CHLSN: variants seen among roughly 807,000 people sequenced by gnomAD.
CHLSN encodes cholesin.
chr7:1,021,780 G>A, the CHLSN span, among the ~76,000 whole-genome samples: 1 of 152,226 alleles, frequency 6.6e-6, no homozygotes, highest in Non-Finnish European at 1.5e-5. Context: ...CTAAAAGAAA[G>A]CATGCGGCAA....
chr7:1,024,199 C>G, the CHLSN span, among the ~76,000 whole-genome samples: 1 of 152,198 alleles, frequency 6.6e-6, no homozygotes, highest in Non-Finnish European at 1.5e-5. Flanking sequence ...ACAGCCCCCA[C>G]TTTCTTCCTA....
At chr7:1,049,015 C>G in the CHLSN span, among the ~76,000 whole-genome samples, 1 of 152,230 alleles carries the variant, frequency 6.6e-6, no homozygotes, top group South Asian at 2.1e-4. Flanking sequence ...CCTCTGCAGT[C>G]TGAGCGTGCG....
the CHLSN span, among the ~76,000 whole-genome samples, chr7:1,129,654 G>A: frequency 1.3e-5 from 2 of 152,186 alleles, no homozygotes; most frequent in African/African-American, 4.8e-5. Flanking sequence ...ATGCTGCCCA[G>A]GATGGTCTTA....
chr7:1,048,185 C>T, the CHLSN span, among the ~76,000 whole-genome samples: 7 of 152,170 alleles, frequency 4.6e-5, no homozygotes, highest in Non-Finnish European at 8.8e-5. Context: ...AAGGGATCAA[C>T]ATCCGCAAAA....
At chr7:1,062,290 G>A in the CHLSN span, among the ~76,000 whole-genome samples, 5 of 152,218 alleles carry the variant, frequency 3.3e-5, no homozygotes, top group South Asian at 8.3e-4. Context: ...ATCTACACAC[G>A]TCTTCTTTCA....
the CHLSN span, among the ~76,000 whole-genome samples, chr7:1,135,817 TAA>T: frequency 7.1e-6 from 1 of 140,434 alleles, no homozygotes; most frequent in South Asian, 2.1e-4. Context: ...TTTATTTATA[TAA>T]AATAAATATA....
chr7:983,308 CCGGGGCCTCGCCCGCTGCCGCTCGT>C, the CHLSN span: 1 of 1,541,748 alleles, frequency 6.5e-7, no homozygotes. Context: ...CCGGTGGCCC[CCGGGGCCTCGCCCGCTGCCGCTCGT>C]CGGGAACCTG....
the CHLSN span, chr7:1,138,049 G>GGCC: frequency 6.7e-5 from 10 of 150,220 alleles, no homozygotes; most frequent in East Asian, 1.8e-3. Context: ...CGGACCCCAG[G>GGCC]GCCGCCGCCC....
At chr7:1,060,806 G>T in the CHLSN span, among the ~76,000 whole-genome samples, 1 of 152,244 alleles carries the variant, frequency 6.6e-6, no homozygotes, top group African/African-American at 2.4e-5. Flanking sequence ...CGGAGCTGGT[G>T]TAAGGGCCGC....
the CHLSN span, among the ~76,000 whole-genome samples, chr7:983,568 G>A: frequency 3.9e-5 from 6 of 152,186 alleles, no homozygotes; most frequent in Non-Finnish European, 8.8e-5. Context: ...CCGTCCCACA[G>A]GGAAGCAGAC....
the CHLSN span, chr7:1,137,918 T>G: frequency 2.0e-5 from 3 of 152,158 alleles, no homozygotes; most frequent in Non-Finnish European, 4.4e-5. Flanking sequence ...GCCTGAAACC[T>G]AGGAGCCAGC....
chr7:1,047,121 T>G, the CHLSN span, among the ~76,000 whole-genome samples: 1 of 152,188 alleles, frequency 6.6e-6, no homozygotes, highest in Non-Finnish European at 1.5e-5. Flanking sequence ...CACACCCAGT[T>G]AGGGAACAAA....
the CHLSN span, among the ~76,000 whole-genome samples, chr7:1,013,572 C>T: frequency 4.6e-5 from 7 of 152,212 alleles, no homozygotes; most frequent in Non-Finnish European, 1.0e-4. Context: ...ACCCTGCAGT[C>T]TGGGGCCACT....
chr7:996,639 C>T, the CHLSN span, among the ~76,000 whole-genome samples: 2 of 152,226 alleles, frequency 1.3e-5, no homozygotes, highest in Non-Finnish European at 2.9e-5. Context: ...CATGGCCACC[C>T]GGCCCTCCCC....
chr7:994,261 G>A, the CHLSN span, among the ~76,000 whole-genome samples: 4 of 152,094 alleles, frequency 2.6e-5, no homozygotes, highest in African/African-American at 4.8e-5. Flanking sequence ...GTGTTCAAGC[G>A]ATTCTCCTGA....
At chr7:1,023,678 C>CACACACACACA in the CHLSN span, among the ~76,000 whole-genome samples, 5 of 144,438 alleles carry the variant, frequency 3.5e-5, no homozygotes, top group East Asian at 3.9e-4. This position sits in a 1 kb window ranked among gnomAD's most constrained non-coding sequence, Gnocchi z 5.0. Flanking sequence ...CACACACACA[C>CACACACACACA]CAGCAACGCG....
the CHLSN span, among the ~76,000 whole-genome samples, chr7:1,046,620 G>A: frequency 2.0e-5 from 3 of 152,136 alleles, no homozygotes; most frequent in Admixed American, 6.6e-5. Context: ...GATGCTGCCC[G>A]GGACCAGAAG....
chr7:1,135,594 C>T, the CHLSN span, among the ~76,000 whole-genome samples: 1 of 151,256 alleles, frequency 6.6e-6, no homozygotes, highest in Admixed American at 6.6e-5. Context: ...TGGTGAAACC[C>T]CATCTTTACT....
At chr7:998,471 T>TTC in the CHLSN span, among the ~76,000 whole-genome samples, 1 of 145,442 alleles carries the variant, frequency 6.9e-6, no homozygotes. Context: ...TTTTTTTTTT[T>TTC]TTTTTTTTTG....
Sources: allele counts gnomAD v4.1 joint callset (sites outside exome capture counted in the v4.1 genomes callset), GRCh38; gene constraint gnomAD v4.1.1; non-coding constraint Gnocchi (gnomAD v3.1); transcripts MANE v1.5; gene names NCBI Gene and HGNC (gene_info 2026-07-23, HGNC 2026-07-21).